Variants in SMIM10L2A observed in about 807,000 individuals in gnomAD.
SMIM10L2A encodes small integral membrane protein 10-like protein 2A.
Under a neutral mutation model 3.0 loss-of-function variants are expected in SMIM10L2A, and 2 were observed. The ratio of observed to expected loss-of-function variants is 0.66; its 90% CI spans 0.27 to 2.08. SMIM10L2A has a LOEUF of 2.08. Among genes scored for constraint, SMIM10L2A ranks in the 30% most tolerant of loss-of-function variants. The pLI is 0.14. For missense variants in SMIM10L2A, 59 were observed against 66.5 expected (o/e 0.89, Z 0.39); for synonymous variants, 29 against 34.8 (o/e 0.83, Z 0.58).
chrX:135,422,447 T>G lies in SMIM10L2A; in HGVS notation c.*79T>G, dbSNP rs1253261877. 11 of 292,719 alleles carry G rather than the reference T, an allele frequency of 3.8e-5. No homozygotes were observed. The South Asian group carries it at 5.0e-4, about 13-fold the overall frequency. The allele number at this position is 292,719 out of a possible 1,213,427, so 24.1% of individuals were successfully genotyped here. ...CCCGCCCCCGGCCGGGTCGCCGGCATGAAGGAAAGCTGGGCCGCGGCGGGG... is the reference window on the plus strand; with the variant it reads ...CCCGCCCCCGGCCGGGTCGCCGGCAGGAAGGAAAGCTGGGCCGCGGCGGGG... On this transcript the variant is annotated 3_prime_UTR_variant, in exon 1 of 2. Coordinates refer to ENST00000417443, the MANE Select transcript of SMIM10L2A (RefSeq NM_203306.3).
chrX:135,425,476 GC>G lies in SMIM10L2A; in HGVS notation c.*2210del, dbSNP rs1432105048. On this transcript the variant is annotated 3_prime_UTR_variant, in exon 2 of 2. Coordinates refer to ENST00000417443, the MANE Select transcript of SMIM10L2A (RefSeq NM_203306.3). ...TTCACCCCTGCTGCCTGAAGTGGTAGCCCCGCCTGCTGCTTCTCCACCTCCC... is the reference window on the plus strand; with the variant it reads ...TTCACCCCTGCTGCCTGAAGTGGTAGCCCGCCTGCTGCTTCTCCACCTCCC... 1 of 112,124 alleles carries G rather than the reference GC, an allele frequency of 8.9e-6. No homozygotes were observed. The highest frequency in any genetic ancestry group is 1.9e-5 in the Non-Finnish European group (1 of 53,205). The allele number at this position is 112,124 out of a possible 1,213,427, so 9.2% of individuals were successfully genotyped here.
In SMIM10L2A at chrX:135,422,192, G is replaced by A; in HGVS notation, c.61G>A (p.Val21Met). 1.0e-6 allele frequency: 1 copy of A among 962,727 alleles called. No individual in the cohort carries two copies. The highest frequency in any genetic ancestry group is 1.4e-6 in the Non-Finnish European group (1 of 725,860). The allele number at this position is 962,727 out of a possible 1,213,427, so 79.3% of individuals were successfully genotyped here. A position where few individuals can be genotyped will look rare whatever the true frequency, so the allele number is the denominator to read the frequency against. Residue 21 changes from valine (V) to methionine (M), a missense_variant, in exon 1 of 2, where the codon GTG (valine) becomes ATG (methionine). Transcript: ENST00000417443. ...AAAAALSGLA[V>M]RLSRSAAARG... is the part of the protein sequence containing the mutation. ...TGCGGCGGCCCTGTCTGGCCTGGCG[G>A]TGCGGCTGTCGCGCTCAGCTGCGGC...
At position 135,426,338 on chromosome X, in the gene SMIM10L2A, C is replaced by CT. The variant is rs1337078013; in HGVS notation, c.*3069dup. The stretch of plus-strand genomic sequence containing the variant: ...CTAGTGGCTCCCACCAGAGACCTCC[C>CT]TAGTGGCTGCTGTAAGGGTTGGCAA... On this transcript the variant is annotated 3_prime_UTR_variant, in exon 2 of 2. Coordinates refer to ENST00000417443, the MANE Select transcript of SMIM10L2A (RefSeq NM_203306.3). The CT allele has an allele frequency of 9.2e-6, 1 of 109,182 alleles. No individual in the cohort carries two copies. The highest frequency in any genetic ancestry group is 1.9e-5 in the Non-Finnish European group (1 of 52,205). The allele number at this position is 109,182 out of a possible 1,213,427, so 9.0% of individuals were successfully genotyped here.
intron 1 of SMIM10L2A, 119 bp from the exon 2 acceptor site, chrX:135,423,514 G>C (rs1232344945): frequency 7.9e-5 from 9 of 113,904 alleles, no homozygotes; most frequent in African/African-American, 2.9e-4. Context: ...GCAGCTCTCA[G>C]CCTGGGGTGG....
chrX:135,424,726 A>C lies in SMIM10L2A; in HGVS notation c.*1456A>C, dbSNP rs1192818066. 3.6e-5 allele frequency: 4 copies of C among 111,814 alleles called. No individual in the cohort carries two copies. The highest frequency in any genetic ancestry group is 1.3e-4 in the African/African-American group (4 of 30,649). The allele number at this position is 111,814 out of a possible 1,213,427, so 9.2% of individuals were successfully genotyped here. ...GCTCCAGGGACAGAGTGGCCCAGCC[A>C]CCTACTATGTACCCTCCTCAGCTGC... On this transcript the variant is annotated 3_prime_UTR_variant, in exon 2 of 2. Transcript: ENST00000417443.
At position 135,425,646 on chromosome X, in the gene SMIM10L2A, A is replaced by G. The variant is rs1329798047; in HGVS notation, c.*2376A>G. The G allele has an allele frequency of 8.9e-6, 1 of 112,567 alleles. No homozygotes were observed. The highest frequency in any genetic ancestry group is 1.9e-5 in the Non-Finnish European group (1 of 53,259). 9.3% of individuals were successfully genotyped at this position (112,567 alleles called of 1,213,427 possible). On this transcript the variant is annotated 3_prime_UTR_variant, in exon 2 of 2. Coordinates refer to ENST00000417443, the MANE Select transcript of SMIM10L2A (RefSeq NM_203306.3). The stretch of plus-strand genomic sequence containing the variant: ...CTTTTCTGTGTGTGATTCACTGTGT[A>G]CTGGTCAGCACAGGCTGGCCAGAGA...
In SMIM10L2A at chrX:135,428,054, T is replaced by TA. The variant is rs1161975543; in HGVS notation, c.*4790dup. 14 of 111,408 alleles carry TA rather than the reference T, an allele frequency of 1.3e-4. No homozygotes were observed. Among genetic ancestry groups the TA allele is most frequent in the Non-Finnish European group, 2.6e-4 (14 of 53,135 alleles). The allele number at this position is 111,408 out of a possible 1,213,427, so 9.2% of individuals were successfully genotyped here. A position where few individuals can be genotyped will look rare whatever the true frequency, so the allele number is the denominator to read the frequency against. On this transcript the variant is annotated 3_prime_UTR_variant, in exon 2 of 2. Coordinates refer to ENST00000417443, the MANE Select transcript of SMIM10L2A (RefSeq NM_203306.3). ...TGGTGGCAATTCTGATTCAATAGAT[T>TA]AAAAAATTTATTACTACCTTTCATT...
rs1406609293 is a variant in SMIM10L2A at position 135,424,559 on chromosome X, A to T, written c.*1289A>T. 2 of 111,128 alleles carry T rather than the reference A, an allele frequency of 1.8e-5. No individual in the cohort carries two copies. The highest frequency in any genetic ancestry group is 3.8e-5 in the Non-Finnish European group (2 of 52,891). The allele number at this position is 111,128 out of a possible 1,213,427, so 9.2% of individuals were successfully genotyped here. A position where few individuals can be genotyped will look rare whatever the true frequency, so the allele number is the denominator to read the frequency against. ...CCCCTGGTGTGCTGCTAACTGGTGT[A>T]CAATGCTCAGGAGCAGCCCAGAGGG... On this transcript the variant is annotated 3_prime_UTR_variant, in exon 2 of 2. Transcript: ENST00000417443.
intron 1 of SMIM10L2A, among the ~76,000 whole-genome samples, chrX:135,423,036 C>CG (rs1336222467): frequency 1.2e-4 from 13 of 112,246 alleles, no homozygotes; most frequent in East Asian, 5.7e-4. Context: ...GGGGCGGCCC[C>CG]GGAAGGCCCT....
In SMIM10L2A at chrX:135,426,727, C is replaced by T. The variant is rs1877062098; in HGVS notation, c.*3457C>T. On this transcript the variant is annotated 3_prime_UTR_variant, in exon 2 of 2. Transcript: ENST00000417443. Reference sequence around the variant, plus strand: ...AGATGGGAAATGATCCTCCCAGAGCCTGGCTCCAAGGCTTCTTGAAGAGGG... The same window carrying T: ...AGATGGGAAATGATCCTCCCAGAGCTTGGCTCCAAGGCTTCTTGAAGAGGG... 1 of 112,967 alleles carries T rather than the reference C, an allele frequency of 8.9e-6. No homozygotes were observed. The highest frequency in any genetic ancestry group is 3.2e-5 in the African/African-American group (1 of 31,088). The allele number at this position is 112,967 out of a possible 1,213,427, so 9.3% of individuals were successfully genotyped here. A position where few individuals can be genotyped will look rare whatever the true frequency, so the allele number is the denominator to read the frequency against.
In SMIM10L2A at chrX:135,427,407, T is replaced by G. The variant is rs782756013; in HGVS notation, c.*4137T>G. On this transcript the variant is annotated 3_prime_UTR_variant, in exon 2 of 2. Coordinates refer to ENST00000417443, the MANE Select transcript of SMIM10L2A (RefSeq NM_203306.3). ...CTGAGATGGGTCTACCTGTCTTCCT[T>G]CCATTCCACCTCCAGAGATTGATTG... 1.8e-5 allele frequency: 2 copies of G among 111,973 alleles called. No homozygotes were observed. The highest frequency in any genetic ancestry group is 3.3e-5 in the African/African-American group (1 of 30,746). The allele number at this position is 111,973 out of a possible 1,213,427, so 9.2% of individuals were successfully genotyped here.
rs1446466022 is a variant in SMIM10L2A at position 135,427,133 on chromosome X, T to C, written c.*3863T>C. 2.7e-5 allele frequency: 3 copies of C among 112,608 alleles called. No homozygotes were observed. Among genetic ancestry groups the C allele is most frequent in the Non-Finnish European group, 5.6e-5 (3 of 53,336 alleles). The allele number at this position is 112,608 out of a possible 1,213,427, so 9.3% of individuals were successfully genotyped here. ...AACCACCTAACCATTATCCCTGTTTTACAGAGAAACCAAAGACAGGAACCA... is the reference window on the plus strand; with the variant it reads ...AACCACCTAACCATTATCCCTGTTTCACAGAGAAACCAAAGACAGGAACCA... On this transcript the variant is annotated 3_prime_UTR_variant, in exon 2 of 2. Transcript: ENST00000417443.
At position 135,427,514 on chromosome X, in the gene SMIM10L2A, AAATGGGAAATACAAACAGCAT is replaced by A. The variant is rs1556472064; in HGVS notation, c.*4245_*4265del. The A allele has an allele frequency of 8.9e-6, 1 of 112,108 alleles. No homozygotes were observed. The highest frequency in any genetic ancestry group is 3.2e-5 in the African/African-American group (1 of 30,791). 9.2% of individuals were successfully genotyped at this position (112,108 alleles called of 1,213,427 possible). ...GGGGCACTAGAGCAAATACATTGAG[AAATGGGAAATACAAACAGCAT>A]GCAAAATCACATCCTACTCCTACCC... On this transcript the variant is annotated 3_prime_UTR_variant, in exon 2 of 2. Coordinates refer to ENST00000417443, the MANE Select transcript of SMIM10L2A (RefSeq NM_203306.3).
chrX:135,422,104 C>G lies in SMIM10L2A; in HGVS notation c.-28C>G. 1 of 352,443 alleles carries G rather than the reference C, an allele frequency of 2.8e-6. No homozygotes were observed. 29.0% of individuals were successfully genotyped at this position (352,443 alleles called of 1,213,427 possible). On this transcript the variant is annotated 5_prime_UTR_variant, in exon 1 of 2. Coordinates refer to ENST00000417443, the MANE Select transcript of SMIM10L2A (RefSeq NM_203306.3). Reference sequence around the variant, plus strand: ...CTCGCGCTCGAGCGGGTCAGTCGGTCGGCGGGGCCTGCGCGGGGCCCGGGC... The same window carrying G: ...CTCGCGCTCGAGCGGGTCAGTCGGTGGGCGGGGCCTGCGCGGGGCCCGGGC...
rs1377148365 is a variant in SMIM10L2A, at chrX:135,425,681, G to T, written c.*2411G>T. 3.6e-5 allele frequency: 4 copies of T among 112,661 alleles called. No homozygotes were observed. Among genetic ancestry groups the T allele is most frequent in the Non-Finnish European group, 7.5e-5 (4 of 53,325 alleles). 9.3% of individuals were successfully genotyped at this position (112,661 alleles called of 1,213,427 possible). On this transcript the variant is annotated 3_prime_UTR_variant, in exon 2 of 2. Transcript: ENST00000417443. ...ACAGGCTGGCCAGAGAGCTGTTCTT[G>T]TTTCTGGTGTTGTCACGTCTTCTTG...
In SMIM10L2A at chrX:135,422,344, C is replaced by T; in HGVS notation, c.213C>T (p.Val71=). 1 of 818,838 alleles carries T rather than the reference C, an allele frequency of 1.2e-6. No individual in the cohort carries two copies. Among genetic ancestry groups the T allele is most frequent in the Admixed American group, 3.4e-5 (1 of 29,373 alleles). The allele number at this position is 818,838 out of a possible 1,213,427, so 67.5% of individuals were successfully genotyped here. ...FYIVASVMLN[V]RLQVRIE is the part of the protein sequence containing the mutation. The stretch of plus-strand genomic sequence containing the variant: ...TCGTGGCCTCGGTGATGCTTAACGT[C>T]CGCCTGCAGGTGCGGATCGAGTGAG... The change falls in exon 1 of 2, where the codon GTC becomes GTT. Residue 71 remains valine, a synonymous_variant. Transcript: ENST00000417443.
intron 1 of SMIM10L2A, among the ~76,000 whole-genome samples, chrX:135,422,998 A>G (rs2085137895): frequency 8.9e-6 from 1 of 112,017 alleles, no homozygotes; most frequent in South Asian, 3.7e-4. Flanking sequence ...TGTCCCCTGA[A>G]CCCTGAGGAA....
Position 135,422,139 on chromosome X carries a change from C to G in SMIM10L2A, c.8C>G (p.Ala3Gly). MA[A>G]SAALSAAAAA... ...TGCGCGGGGCCCGGGCCCATGGCGGCGTCGGCGGCTCTGTCTGCAGCGGCG... is the reference window on the plus strand; with the variant it reads ...TGCGCGGGGCCCGGGCCCATGGCGGGGTCGGCGGCTCTGTCTGCAGCGGCG... The change falls in exon 1 of 2, where the codon GCG (alanine) becomes GGG (glycine). Residue 3 changes from alanine (A) to glycine (G), a missense_variant. Ala to Gly is a moderately conservative substitution (Grantham distance 60). Coordinates refer to ENST00000417443, the MANE Select transcript of SMIM10L2A (RefSeq NM_203306.3). 1 of 532,980 alleles carries G rather than the reference C, an allele frequency of 1.9e-6. No individual in the cohort carries two copies. The allele number at this position is 532,980 out of a possible 1,213,427, so 43.9% of individuals were successfully genotyped here.
rs781817859 is a variant in SMIM10L2A at position 135,427,422 on chromosome X, G to A, written c.*4152G>A. ...CTGTCTTCCTTCCATTCCACCTCCA[G>A]AGATTGATTGGGACCTAAGAGACTG... On this transcript the variant is annotated 3_prime_UTR_variant, in exon 2 of 2. Transcript: ENST00000417443. 42 of 111,983 alleles carry A rather than the reference G, an allele frequency of 3.8e-4. No individual in the cohort carries two copies. The highest frequency in any genetic ancestry group is 1.3e-3 in the African/African-American group (39 of 30,824). The allele number at this position is 111,983 out of a possible 1,213,427, so 9.2% of individuals were successfully genotyped here. A position where few individuals can be genotyped will look rare whatever the true frequency, so the allele number is the denominator to read the frequency against.
Sources: allele counts gnomAD v4.1 joint callset (sites outside exome capture counted in the v4.1 genomes callset), GRCh38; gene constraint gnomAD v4.1.1; transcripts MANE v1.5; gene names NCBI Gene and HGNC (gene_info 2026-07-23, HGNC 2026-07-21).